The following H2AZ1 variants were observed in gnomAD, a reference collection of about 807,000 sequenced individuals.
H2AZ1 encodes the protein H2A.Z variant histone 1.
In H2AZ1, 3 loss-of-function variants were observed where a neutral mutation model predicts 16.6. That is an observed-to-expected ratio of 0.18 (90% CI 0.08 to 0.47). The LOEUF (loss-of-function observed/expected upper bound fraction) is 0.47, where lower values mean the gene tolerates loss of function less well. H2AZ1 is among the 20% of genes least tolerant of loss of function. The pLI, the probability that H2AZ1 is intolerant of heterozygous loss-of-function variation, is 0.98. For synonymous variants in H2AZ1, 78 were observed against 60.7 expected (o/e 1.28, Z -1.32); for missense variants, 27 against 163.6 (o/e 0.17, Z 4.55).
At chr4:99,948,969 C>T (rs925394484) in intron 3 of H2AZ1, 29 bp from the exon 4 acceptor site, 3 of 1,325,774 alleles carry the variant, frequency 2.3e-6, no homozygotes, top group Non-Finnish European at 3.3e-6. Flanking sequence ...CAGTTGCCTT[C>T]CAACTTTCCT....
At chr4:99,950,124 C>G (rs762616085) in intron 1 of H2AZ1, 44 bp downstream of exon 1, 8 of 1,600,922 alleles carry the variant, frequency 5.0e-6, no homozygotes, top group South Asian at 3.4e-5. Flanking sequence ...TTTCTCTCGC[C>G]GGCAAAAACC....
chr4:99,950,183 T>G lies in H2AZ1; in HGVS notation c.-13A>C. 6.2e-7 allele frequency: 1 copy of G among 1,608,728 alleles called. No individual in the cohort carries two copies. Among genetic ancestry groups the G allele is most frequent in the Non-Finnish European group, 8.5e-7 (1 of 1,177,500 alleles). ...CGAAGTTTACCATTTCGAATTCCGC[T>G]GAAGCTCAAGCAAGCAAGGCAGAGA... is the stretch of plus-strand genomic sequence containing the variant. On this transcript the variant is annotated 5_prime_UTR_variant, in exon 1 of 5. Transcript: ENST00000296417.
At chr4:99,949,827 T>A in intron 1 of H2AZ1, 87 bp from the exon 2 acceptor site, 3 of 1,063,372 alleles carry the variant, frequency 2.8e-6, no homozygotes, top group Non-Finnish European at 4.0e-6. Flanking sequence ...CCGCGGCGCG[T>A]CCCGCCGCGA....
In H2AZ1 at chr4:99,948,797, A is replaced by G. The variant is rs1377946578; in HGVS notation, c.325+14T>C. 6.3e-6 allele frequency: 10 copies of G among 1,592,252 alleles called. No individual in the cohort carries two copies. Among genetic ancestry groups the G allele is most frequent in the Non-Finnish European group, 8.5e-6 (10 of 1,171,920 alleles). ...CTCTGAAGAAATTTTTTAAAATGTT[A>G]GAAGTTAACATACCACCACCAGCAA... On this transcript the variant is annotated intron_variant, in intron 4 of 4. Transcript: ENST00000296417.
At chr4:99,949,805 G>C (rs1027870114) in intron 1 of H2AZ1, 65 bp from the exon 2 acceptor site, 2 of 1,307,364 alleles carry the variant, frequency 1.5e-6, no homozygotes, top group Non-Finnish European at 2.1e-6. Context: ...AAGGCGGCGC[G>C]CCCATCCCCC....
chr4:99,949,920 TCGCCACGGCCGCGCGCCTCCGCC>T (rs1727239047), intron 1 of H2AZ1, 180 bp from the exon 2 acceptor site: 1 of 194,802 alleles, frequency 5.1e-6, no homozygotes, highest in Admixed American at 6.8e-5. Context: ...CGCCGCGCGC[TCGCCACGGCCGCGCGCCTCCGCC>T]CGCCGGCCCC....
intron 1 of H2AZ1, 192 bp from the exon 2 acceptor site, chr4:99,949,932 C>G: frequency 5.1e-6 from 1 of 196,712 alleles, no homozygotes; most frequent in Non-Finnish European, 9.0e-6. Flanking sequence ...GCCACGGCCG[C>G]GCGCCTCCGC....
chr4:99,949,629 T>A, intron 2 of H2AZ1, 34 bp downstream of exon 2: 3 of 1,585,868 alleles, frequency 1.9e-6, no homozygotes, highest in Non-Finnish European at 2.6e-6. Flanking sequence ...AAGAAAAACA[T>A]CATGACTCCC....
chr4:99,950,046 T>C, intron 1 of H2AZ1, 122 bp downstream of exon 1: 2 of 953,144 alleles, frequency 2.1e-6, no homozygotes, highest in East Asian at 2.6e-5. Flanking sequence ...CCCCCCACTC[T>C]TCTAAATCCT....
intron 2 of H2AZ1, 55 bp downstream of exon 2, chr4:99,949,608 A>G (rs1727229041): frequency 1.3e-6 from 2 of 1,521,922 alleles, no homozygotes; most frequent in Admixed American, 1.7e-5. Flanking sequence ...AATAACAAAA[A>G]AGGAAATGCA....
chr4:99,948,676 A>G, intron 4 of H2AZ1, 135 bp downstream of exon 4: 1 of 1,448,088 alleles, frequency 6.9e-7, no homozygotes, highest in African/African-American at 1.4e-5. Context: ...ATACATATAA[A>G]TCAAATTTCA....
chr4:99,949,562 A>T (rs1385486503), intron 2 of H2AZ1, 101 bp downstream of exon 2: 1 of 1,168,528 alleles, frequency 8.6e-7, no homozygotes, highest in Non-Finnish European at 1.3e-6. Flanking sequence ...ACACCGCATC[A>T]CCCACGCATA....
chr4:99,949,639 C>G lies in H2AZ1; in HGVS notation c.81+24G>C, dbSNP rs1265788297. On this transcript the variant is annotated intron_variant, in intron 2 of 4. Coordinates refer to ENST00000296417, the MANE Select transcript of H2AZ1 (RefSeq NM_002106.4). ...ATGCAAAGAAAAACATCATGACTCC[C>G]AGACTGCACGAACAACTACTGACCT... 3.1e-6 allele frequency: 5 copies of G among 1,602,938 alleles called. No individual in the cohort carries two copies. The East Asian group carries it at 8.9e-5, about 29-fold the overall frequency.
chr4:99,950,028 A>G, intron 1 of H2AZ1, 140 bp downstream of exon 1: 2 of 752,068 alleles, frequency 2.7e-6, no homozygotes, highest in South Asian at 1.8e-5. Flanking sequence ...GCAGCCGACA[A>G]AACACCTCCC....
At position 99,949,315 on chromosome 4, in the gene H2AZ1, G is replaced by A. The variant is rs1351654227; in HGVS notation, c.153C>T (p.Ala51=). The change falls in exon 3 of 5, where the codon GCC becomes GCT. Residue 51 remains alanine (A), a synonymous_variant. Coordinates refer to ENST00000296417, the MANE Select transcript of H2AZ1 (RefSeq NM_002106.4). ...CCAGGATGGCTGCGCTGTACACAGC[G>A]GCAGTCGCGCCCACACGTCCATGAC... ...TTSHGRVGAT[A]AVYSAAILEY... 4 of 1,612,446 alleles carry A rather than the reference G, an allele frequency of 2.5e-6. No homozygotes were observed. The highest frequency in any genetic ancestry group is 1.7e-5 in the Admixed American group (1 of 59,990).
intron 1 of H2AZ1, 175 bp from the exon 2 acceptor site, chr4:99,949,915 C>T: frequency 5.0e-6 from 1 of 201,208 alleles, no homozygotes; most frequent in Non-Finnish European, 8.6e-6. Flanking sequence ...CCCCCCGCCG[C>T]GCGCTCGCCA....
At position 99,948,955 on chromosome 4, in the gene H2AZ1, C is replaced by CT. The variant is rs1448211444; in HGVS notation, c.196-16dup. The stretch of plus-strand genomic sequence containing the variant: ...AGTTCAAGTACCTAAAAGGCAGAAT[C>CT]TGTCAGTTGCCTTCCAACTTTCCTT... On this transcript the variant is annotated splice_polypyrimidine_tract_variant and intron_variant, in intron 3 of 4. Coordinates refer to ENST00000296417, the MANE Select transcript of H2AZ1 (RefSeq NM_002106.4). 1 of 1,442,576 alleles carries CT rather than the reference C, an allele frequency of 6.9e-7. No individual in the cohort carries two copies. Among genetic ancestry groups the CT allele is most frequent in the East Asian group, 2.3e-5 (1 of 44,094 alleles). 89.4% of individuals were successfully genotyped at this position (1,442,576 alleles called of 1,614,324 possible).
At chr4:99,949,559 A>G in intron 2 of H2AZ1, 104 bp downstream of exon 2, 2 of 1,166,886 alleles carry the variant, frequency 1.7e-6, no homozygotes, top group Admixed American at 1.7e-5. Flanking sequence ...GCGACACCGC[A>G]TCACCCACGC....
intron 1 of H2AZ1, 49 bp downstream of exon 1, chr4:99,950,119 C>G (rs1464404115): frequency 1.9e-6 from 3 of 1,599,506 alleles, no homozygotes; most frequent in Non-Finnish European, 8.5e-7. Flanking sequence ...GGGTTTTTCT[C>G]TCGCCGGCAA....
Sources: allele counts gnomAD v4.1 joint callset, GRCh38; gene constraint gnomAD v4.1.1; transcripts MANE v1.5; gene names NCBI Gene and HGNC (gene_info 2026-07-23, HGNC 2026-07-21).